Variants in KIF2A observed in about 807,000 individuals in gnomAD.
KIF2A encodes kinesin family member 2A, also known as kinesin-like protein KIF2A.
In KIF2A, 22 loss-of-function variants were observed where a neutral mutation model predicts 100.2. The ratio of observed to expected loss-of-function variants is 0.22; its 90% CI spans 0.16 to 0.31. The LOEUF is 0.31. Ranked by LOEUF, KIF2A falls within the 10% of genes least tolerant of loss-of-function variation. KIF2A has a pLI of 1.00. For missense variants in KIF2A, 495 were observed against 898.7 expected (o/e 0.55, Z 5.74); for synonymous variants, 268 against 285.9 (o/e 0.94, Z 0.63).
At chr5:62,353,069 T>C (rs142183644) in intron 5 of KIF2A, 35 of 449,320 alleles carry the variant, frequency 7.8e-5, no homozygotes, top group African/African-American at 6.3e-4. Flanking sequence ...TATGTTTGAG[T>C]CATTTTTCTG....
At chr5:62,341,786 A>G (rs1747308725) in intron 1 of KIF2A, among the ~76,000 whole-genome samples, 2 of 152,146 alleles carry the variant, frequency 1.3e-5, no homozygotes, top group Non-Finnish European at 2.9e-5. Flanking sequence ...ATACCATGGT[A>G]GATGCCCAAC....
At chr5:62,351,893 C>T (rs1275943458) in intron 4 of KIF2A, among the ~76,000 whole-genome samples, 5 of 152,090 alleles carry the variant, frequency 3.3e-5, no homozygotes, top group African/African-American at 1.2e-4. Flanking sequence ...GTGGCTCACG[C>T]CTTTAATCCC....
In KIF2A at chr5:62,377,678, A is replaced by G. The variant is rs201710140; in HGVS notation, c.1929A>G (p.Pro643=). 119 of 1,542,106 alleles carry G rather than the reference A, an allele frequency of 7.7e-5. 1 individual carries two copies. In the African/African-American group the frequency reaches 1.4e-3, roughly 18 times the overall value. ...ATTTTAAGGAAGAAGAAGTCTCTCC[A>G]CAGTTGTTTACTTTCCACGAAGCTG... ...LCEQNEEEVS[P]QLFTFHEAVS... is the part of the protein sequence containing the mutation. The change falls in exon 19 of 21, where the codon CCA becomes CCG. Residue 643 remains proline, a synonymous_variant. Coordinates refer to ENST00000407818, the MANE Select transcript of KIF2A (RefSeq NM_001098511.3).
At position 62,362,524 on chromosome 5, in the gene KIF2A, G is replaced by T; in HGVS notation, c.1102G>T (p.Glu368Ter). The change falls in exon 12 of 21, where the codon GAA (glutamate) becomes TAA (stop). Residue 368 changes from glutamate (E) to a stop codon, truncating the protein, a stop_gained. Coordinates refer to ENST00000407818, the MANE Select transcript of KIF2A (RefSeq NM_001098511.3). LOFTEE classifies it high-confidence loss of function. ...LELQVYATFFEIYSGKVFDLL... is the reference protein window; with the variant it reads ...LELQVYATFF Reference sequence around the variant, plus strand: ...ACTTCAAGTATATGCAACCTTCTTTGAAATTTATAGTGGAAAGGTAAGTGG... The same window carrying T: ...ACTTCAAGTATATGCAACCTTCTTTTAAATTTATAGTGGAAAGGTAAGTGG... 7.0e-7 allele frequency: 1 copy of T among 1,427,652 alleles called. No individual in the cohort carries two copies. The highest frequency in any genetic ancestry group is 9.2e-7 in the Non-Finnish European group (1 of 1,087,886). The allele number at this position is 1,427,652 out of a possible 1,614,324, so 88.4% of individuals were successfully genotyped here. A position where few individuals can be genotyped will look rare whatever the true frequency, so the allele number is the denominator to read the frequency against.
At chr5:62,326,425 G>A (rs1346069024) in intron 1 of KIF2A, among the ~76,000 whole-genome samples, 2 of 151,988 alleles carry the variant, frequency 1.3e-5, no homozygotes, top group African/African-American at 4.8e-5. Flanking sequence ...TCACCACCAA[G>A]AAATATAAAC....
chr5:62,330,034 A>G (rs2111841148), intron 1 of KIF2A, among the ~76,000 whole-genome samples: 1 of 152,340 alleles, frequency 6.6e-6, no homozygotes, highest in East Asian at 1.9e-4. Context: ...TGGAACCACT[A>G]TTTTATGTAC....
intron 1 of KIF2A, among the ~76,000 whole-genome samples, chr5:62,322,562 T>A (rs1746151948): frequency 6.6e-6 from 1 of 152,216 alleles, no homozygotes; most frequent in Non-Finnish European, 1.5e-5. Context: ...CTTGACCTTT[T>A]AACATAGAAA....
intron 1 of KIF2A, among the ~76,000 whole-genome samples, chr5:62,331,486 G>A (rs1461424074): frequency 6.6e-6 from 1 of 152,094 alleles, no homozygotes; most frequent in African/African-American, 2.4e-5. Flanking sequence ...TCCTTGGGAG[G>A]CTGAGGCAGG....
Position 62,388,777 on chromosome 5 carries a change from C to G in KIF2A, c.*3208C>G. The G allele has an allele frequency of 3.7e-6, 2 of 535,750 alleles. No individual in the cohort carries two copies. The highest frequency in any genetic ancestry group is 3.3e-6 in the Non-Finnish European group (1 of 299,164). The allele number at this position is 535,750 out of a possible 1,614,324, so 33.2% of individuals were successfully genotyped here. A position where few individuals can be genotyped will look rare whatever the true frequency, so the allele number is the denominator to read the frequency against. ...GTTGTGCGTCTCTGCGGCTCCTGAA[C>G]TTGAAGATTATTATGAATAGATTGG... On this transcript the variant is annotated 3_prime_UTR_variant, in exon 21 of 21. Transcript: ENST00000407818.
At chr5:62,367,316 G>C (rs188663419) in intron 16 of KIF2A, among the ~76,000 whole-genome samples, 67 of 152,148 alleles carry the variant, frequency 4.4e-4, no homozygotes, top group African/African-American at 1.6e-3. Flanking sequence ...ACTCAGGCTG[G>C]AGTGCAGTGG....
intron 15 of KIF2A, among the ~76,000 whole-genome samples, chr5:62,366,126 A>C (rs1741057882): frequency 6.6e-6 from 1 of 152,070 alleles, no homozygotes; most frequent in Non-Finnish European, 1.5e-5. Context: ...AAAAAAAAAA[A>C]AGTCAGGTGG....
intron 16 of KIF2A, among the ~76,000 whole-genome samples, chr5:62,366,818 G>A (rs1472272556): frequency 4.0e-5 from 6 of 148,754 alleles, no homozygotes; most frequent in African/African-American, 1.0e-4. Flanking sequence ...GCAACAGAGT[G>A]AGACTCCGTC....
intron 17 of KIF2A, 125 bp from the exon 18 acceptor site, chr5:62,373,562 C>T: frequency 1.5e-6 from 1 of 655,850 alleles, no homozygotes; most frequent in Non-Finnish European, 2.6e-6. Flanking sequence ...ATAAATTTTA[C>T]CTATAAAGGT....
chr5:62,380,015 C>G (rs552708984), intron 19 of KIF2A, among the ~76,000 whole-genome samples: 1 of 152,146 alleles, frequency 6.6e-6, no homozygotes, highest in Non-Finnish European at 1.5e-5. Flanking sequence ...CCTCAGCCTC[C>G]CAAGTAACTG....
intron 17 of KIF2A, among the ~76,000 whole-genome samples, chr5:62,373,089 A>G (rs867318300): frequency 8.9e-4 from 136 of 152,192 alleles, no homozygotes; most frequent in African/African-American, 3.1e-3. Flanking sequence ...TAAAGTAAGG[A>G]AAGTTTACCC....
At chr5:62,359,584 T>G (rs2111946547) in intron 9 of KIF2A, among the ~76,000 whole-genome samples, 1 of 152,278 alleles carries the variant, frequency 6.6e-6, no homozygotes, top group South Asian at 2.1e-4. Context: ...AAGAGTCCAC[T>G]TTTCCTTTTC....
At chr5:62,381,539 T>C (rs1003885626) in intron 20 of KIF2A, among the ~76,000 whole-genome samples, 4 of 152,212 alleles carry the variant, frequency 2.6e-5, no homozygotes, top group Non-Finnish European at 4.4e-5. Flanking sequence ...AGATCTTTAG[T>C]TTGGTAGGCT....
chr5:62,355,170 T>C lies in KIF2A; in HGVS notation c.570T>C (p.Ala190=). 1 of 1,567,194 alleles carries C rather than the reference T, an allele frequency of 6.4e-7. No homozygotes were observed. Among genetic ancestry groups the C allele is most frequent in the East Asian group, 2.3e-5 (1 of 44,400 alleles). ...LREKRAQDVD[A]TNPNYEIMCM... Reference sequence around the variant, plus strand: ...CTGTCTTCTAATAGGACGTTGATGCTACAAACCCAAATTATGAAATTATGT... The same window carrying C: ...CTGTCTTCTAATAGGACGTTGATGCCACAAACCCAAATTATGAAATTATGT... Residue 190 remains alanine, a synonymous_variant, in exon 7 of 21, where the codon GCT becomes GCC. Transcript: ENST00000407818.
At chr5:62,327,851 TG>T (rs1156306657) in intron 1 of KIF2A, among the ~76,000 whole-genome samples, 1 of 152,264 alleles carries the variant, frequency 6.6e-6, no homozygotes, top group African/African-American at 2.4e-5. Flanking sequence ...GACAGAGTCC[TG>T]GGGGGAATAA....
Sources: allele counts gnomAD v4.1 joint callset (sites outside exome capture counted in the v4.1 genomes callset), GRCh38; gene constraint gnomAD v4.1.1; transcripts MANE v1.5; gene names NCBI Gene and HGNC (gene_info 2026-07-23, HGNC 2026-07-21).